Variants in RBMS1 observed in about 807,000 individuals in gnomAD.
RBMS1 encodes the protein RNA binding motif single stranded interacting protein 1, also known as RNA-binding motif, single-stranded-interacting protein 1.
Under a neutral mutation model 62.3 loss-of-function variants are expected in RBMS1, and 17 were observed. The ratio of observed to expected loss-of-function variants is 0.27; its 90% CI spans 0.19 to 0.41. The LOEUF is 0.41. RBMS1 is among the 10% of genes least tolerant of loss of function. The probability of loss-of-function intolerance (pLI) is 1.00; values close to 1 mark genes in which losing one functional copy is unlikely to be tolerated. For synonymous variants in RBMS1, 172 were observed against 170.0 expected (o/e 1.01, Z -0.09); for missense variants, 334 against 504.5 (o/e 0.66, Z 3.24).
At chr2:160,457,134 T>A (rs953606032) in intron 1 of RBMS1, among the ~76,000 whole-genome samples, 1 of 151,696 alleles carries the variant, frequency 6.6e-6, no homozygotes, top group African/African-American at 2.4e-5. Flanking sequence ...TTAATTTATT[T>A]ATTTATTTAT....
chr2:160,342,245 C>T (rs962687374), intron 2 of RBMS1, among the ~76,000 whole-genome samples: 10 of 152,102 alleles, frequency 6.6e-5, no homozygotes, highest in Non-Finnish European at 7.4e-5. Flanking sequence ...GTGTTCCTTA[C>T]AGTAACTGAA....
chr2:160,460,973 T>A (rs1198208042), intron 1 of RBMS1, among the ~76,000 whole-genome samples: 1 of 152,214 alleles, frequency 6.6e-6, no homozygotes, highest in Non-Finnish European at 1.5e-5. Flanking sequence ...AGAAAAGGTG[T>A]TCTTGCTGGG....
rs199891590 is a variant in RBMS1, at chr2:160,367,355, T to C, written c.112A>G (p.Ser38Gly). 25 of 1,598,668 alleles carry C rather than the reference T, an allele frequency of 1.6e-5. No homozygotes were observed. Among genetic ancestry groups the C allele is most frequent in the Non-Finnish European group, 2.0e-5 (24 of 1,171,840 alleles). ...TTATTACTGCTGGTGGTGCTGGGAC[T>C]GGGAGGGGCCATGGGGTGGGCTGGG... is the stretch of plus-strand genomic sequence containing the variant. ...LVPAHPMAPP[S>G]PSTTSSNNNS... The change falls in exon 2 of 14, where the codon AGT (serine) becomes GGT (glycine). Residue 38 changes from serine (S) to glycine (G), a missense_variant. By Grantham distance (56) the Ser-to-Gly change is moderately conservative. This residue lies in a region of RBMS1 where 150 missense variants were observed against 228.0 expected (regional missense o/e 0.66). Coordinates refer to ENST00000348849, the MANE Select transcript of RBMS1 (RefSeq NM_016836.4).
intron 4 of RBMS1, among the ~76,000 whole-genome samples, chr2:160,307,450 A>ATG (rs1293563365): frequency 1.3e-5 from 2 of 152,124 alleles, no homozygotes; most frequent in Non-Finnish European, 2.9e-5. Context: ...ATAGGAGGAA[A>ATG]TGAAAGGCCT....
chr2:160,491,263 T>C (rs944471586), intron 1 of RBMS1, among the ~76,000 whole-genome samples: 20 of 152,226 alleles, frequency 1.3e-4, no homozygotes, highest in Admixed American at 3.3e-4. Context: ...TACCATGTTA[T>C]ATAGGTCAAG....
chr2:160,491,633 C>T (rs986977750), intron 1 of RBMS1, among the ~76,000 whole-genome samples: 7 of 152,100 alleles, frequency 4.6e-5, no homozygotes, highest in African/African-American at 1.7e-4. Flanking sequence ...TTTTTTCTTC[C>T]TCACCTGAGT....
intron 13 of RBMS1, chr2:160,275,318 T>C (rs571011624): frequency 6.6e-4 from 125 of 188,770 alleles, no homozygotes; most frequent in Non-Finnish European, 1.2e-3. Context: ...AGTAATATGA[T>C]ATAGGATACT....
intron 6 of RBMS1, among the ~76,000 whole-genome samples, chr2:160,295,364 C>T (rs1688882792): frequency 6.6e-6 from 1 of 152,198 alleles, no homozygotes; most frequent in African/African-American, 2.4e-5. Context: ...AGCTCCTGCC[C>T]CCAAAGAACA....
chr2:160,420,478 G>A (rs13006913), intron 1 of RBMS1, among the ~76,000 whole-genome samples: 108,240 of 151,992 alleles, frequency 0.71, 38,902 homozygotes, highest in East Asian at 0.88. Context: ...AATTAGGCCA[G>A]CTCAGTGTCT....
chr2:160,457,549 C>A (rs1226949186), intron 1 of RBMS1, among the ~76,000 whole-genome samples: 1 of 152,238 alleles, frequency 6.6e-6, no homozygotes, highest in Non-Finnish European at 1.5e-5. Context: ...AAAGGAAACA[C>A]AACCATTTCT....
chr2:160,275,566 A>T lies in RBMS1; in HGVS notation c.*7+64T>A, dbSNP rs547814085. On this transcript the variant is annotated intron_variant, in intron 13 of 13. Coordinates refer to ENST00000348849, the MANE Select transcript of RBMS1 (RefSeq NM_016836.4). ...TTATCCCAATCACCATTCTGATTTT[A>T]AAAAAAGCCCTATAGATTGTGCTTG... 2.6e-4 allele frequency: 409 copies of T among 1,548,994 alleles called. 5 individuals are homozygous for T. The South Asian group carries it at 4.6e-3, about 17-fold the overall frequency.
At chr2:160,483,946 T>C (rs533551464) in intron 1 of RBMS1, among the ~76,000 whole-genome samples, 1 of 152,200 alleles carries the variant, frequency 6.6e-6, no homozygotes, top group Admixed American at 6.5e-5. Flanking sequence ...GTCTGTCTGA[T>C]TCATCCTCTT....
At chr2:160,401,921 T>C (rs1695443040) in intron 1 of RBMS1, 1 of 152,170 alleles carries the variant, frequency 6.6e-6, no homozygotes. Context: ...CTTTCTTTTT[T>C]TAAAAAAATG....
At chr2:160,398,157 C>G (rs1695242282) in intron 1 of RBMS1, among the ~76,000 whole-genome samples, 1 of 152,192 alleles carries the variant, frequency 6.6e-6, no homozygotes, top group Non-Finnish European at 1.5e-5. Context: ...GTTAAAATGG[C>G]CAAACCAAAC....
In RBMS1 at chr2:160,450,576, A is replaced by C. The variant is rs571915607; in HGVS notation, c.75+42713T>G. ...AAAAATAAAAAATGAAAAAAAAAAA[A>C]AAACAAAAAACATTAACCCAGTTTG... is the stretch of plus-strand genomic sequence containing the variant. On this transcript the variant is annotated intron_variant, in intron 1 of 13. Coordinates refer to ENST00000348849, the MANE Select transcript of RBMS1 (RefSeq NM_016836.4). Among the ~76,000 whole-genome samples, 334 of 150,238 alleles carry C rather than the reference A, an allele frequency of 2.2e-3. 3 individuals are homozygous for C. The highest frequency in any genetic ancestry group is 7.4e-3 in the African/African-American group (306 of 41,216).
At chr2:160,367,043 A>T in intron 2 of RBMS1, 173 bp downstream of exon 2, 1 of 517,836 alleles carries the variant, frequency 1.9e-6, no homozygotes, top group Non-Finnish European at 3.2e-6. Flanking sequence ...TGATGTTAAT[A>T]TTGACTCAAA....
chr2:160,344,831 A>G (rs934960675), intron 2 of RBMS1, among the ~76,000 whole-genome samples: 6 of 152,188 alleles, frequency 3.9e-5, no homozygotes, highest in African/African-American at 1.4e-4. Context: ...CTGGACACAT[A>G]GTAGATGCCC....
At chr2:160,439,543 C>G (rs1220534146) in intron 1 of RBMS1, among the ~76,000 whole-genome samples, 1 of 151,426 alleles carries the variant, frequency 6.6e-6, no homozygotes, top group East Asian at 2.0e-4. Context: ...GGATGGCGGC[C>G]GGGCAGAGAC....
chr2:160,421,131 C>G (rs1201205878), intron 1 of RBMS1, among the ~76,000 whole-genome samples: 1 of 151,860 alleles, frequency 6.6e-6, no homozygotes, highest in Non-Finnish European at 1.5e-5. Context: ...TCCACTCTAA[C>G]TTATTCTTTT....
Sources: allele counts gnomAD v4.1 joint callset (sites outside exome capture counted in the v4.1 genomes callset), GRCh38; gene constraint gnomAD v4.1.1; regional missense constraint gnomAD v4.1.1; transcripts MANE v1.5; gene names NCBI Gene and HGNC (gene_info 2026-07-23, HGNC 2026-07-21).